The following STX16 variants were observed in gnomAD, a reference collection of about 807,000 sequenced individuals.
The protein encoded by STX16 is syntaxin 16.
STX16 carries 28 observed loss-of-function variants against 42.7 expected under a neutral mutation model. The ratio of observed to expected loss-of-function variants is 0.66; its 90% CI spans 0.49 to 0.90. The LOEUF (loss-of-function observed/expected upper bound fraction) is 0.90, where lower values mean the gene tolerates loss of function less well. Among genes scored for constraint, STX16 ranks in the 40% least tolerant of loss-of-function variants. The pLI is 0.00. For synonymous variants in STX16, 156 were observed against 155.2 expected, an observed-to-expected ratio of 1.00 and a Z score of -0.04; for missense variants, 361 against 420.9, an observed-to-expected ratio of 0.86 and a Z score of 1.24.
chr20:58,652,884 A>G (rs965161005), intron 1 of STX16, among the ~76,000 whole-genome samples: 1 of 151,920 alleles, frequency 6.6e-6, no homozygotes, highest in Non-Finnish European at 1.5e-5. Context: ...TTAATTAACC[A>G]CAACCTTTAG....
intron 1 of STX16, 132 bp from the exon 2 acceptor site, chr20:58,659,491 T>G: frequency 1.2e-6 from 1 of 817,324 alleles, no homozygotes; most frequent in Non-Finnish European, 1.8e-6. Context: ...TTAGTGGATC[T>G]TTATATTTAG....
At chr20:58,673,525 C>T (rs2084031830) in intron 7 of STX16, 106 bp from the exon 8 acceptor site, 1 of 770,760 alleles carries the variant, frequency 1.3e-6, no homozygotes, top group Admixed American at 2.1e-5. Context: ...GGAAGGAAAA[C>T]ATCATCTTAT....
intron 7 of STX16, among the ~76,000 whole-genome samples, chr20:58,672,444 G>C (rs373389570): frequency 6.6e-6 from 1 of 151,784 alleles, no homozygotes; most frequent in South Asian, 2.1e-4. Context: ...TTTGTGTTTA[G>C]ACTTGGGTCC....
rs201318063 is a variant in STX16, at chr20:58,669,426, C to T, written c.529C>T (p.Arg177Trp). The part of the protein sequence containing the change: ...QALQELSTSF[R>W]HAQSGYLKRM... ...CCTGCAGGAACTCTCCACCAGCTTC[C>T]GGCACGCACAGTCAGGCTACCTCAA... Residue 177 changes from arginine (R) to tryptophan (W), a missense_variant, in exon 5 of 9, where the codon CGG becomes TGG. By Grantham distance (101) the Arg-to-Trp change is moderately radical (BLOSUM62 -3). Coordinates refer to ENST00000371141, the MANE Select transcript of STX16 (RefSeq NM_001001433.3). The T allele has an allele frequency of 9.9e-6, 16 of 1,611,594 alleles. No individual in the cohort carries two copies. The highest frequency in any genetic ancestry group is 5.3e-5 in the African/African-American group (4 of 74,832).
chr20:58,651,994 C>G lies in STX16; in HGVS notation c.-13C>G. 3 of 1,613,450 alleles carry G rather than the reference C, an allele frequency of 1.9e-6. No homozygotes were observed. Among genetic ancestry groups the G allele is most frequent in the Non-Finnish European group, 2.5e-6 (3 of 1,179,448 alleles). On this transcript the variant is annotated 5_prime_UTR_variant, in exon 1 of 9. Transcript: ENST00000371141. ...CGGGGGGCCCCTGAGAGGGGGGTCG[C>G]AAAGGGTGAGACATGGCCACCAGGC...
intron 7 of STX16, among the ~76,000 whole-genome samples, chr20:58,673,207 C>T (rs892778815): frequency 1.3e-5 from 2 of 152,178 alleles, no homozygotes; most frequent in African/African-American, 2.4e-5. Context: ...TGCAGGTCTA[C>T]TTATGACAGG....
chr20:58,665,465 C>G (rs1285676304), intron 2 of STX16, among the ~76,000 whole-genome samples: 1 of 152,154 alleles, frequency 6.6e-6, no homozygotes, highest in Non-Finnish European at 1.5e-5. Flanking sequence ...TCAGCCGACC[C>G]AGGTTTCAGT....
rs1482516688 is a variant in STX16, at chr20:58,657,534, C to A, written c.133-2089C>A. On this transcript the variant is annotated intron_variant, in intron 1 of 8. Transcript: ENST00000371141. The surrounding 1 kb of genome is among the most constrained non-coding windows in gnomAD (Gnocchi z 4.2). Reference sequence around the variant, plus strand: ...ATTTTTCAGTTTTATGTAGAAAGTTCTTTAGACTATAAATTCCACATGCTA... The same window carrying A: ...ATTTTTCAGTTTTATGTAGAAAGTTATTTAGACTATAAATTCCACATGCTA... Among the ~76,000 whole-genome samples the A allele has an allele frequency of 6.6e-6, 1 of 152,112 alleles. No individual in the cohort carries two copies. The highest frequency in any genetic ancestry group is 1.5e-5 in the Non-Finnish European group (1 of 68,008).
chr20:58,669,240 A>G (rs1301659256), intron 4 of STX16, 51 bp from the exon 5 acceptor site: 3 of 1,592,348 alleles, frequency 1.9e-6, no homozygotes, highest in South Asian at 1.1e-5. Context: ...CAGTGTTAGC[A>G]GAGGGGCTTC....
Position 58,676,312 on chromosome 20 carries a change from G to A in STX16, c.*21G>A. The A allele has an allele frequency of 1.9e-6, 3 of 1,598,948 alleles. No individual in the cohort carries two copies. Among genetic ancestry groups the A allele is most frequent in the Middle Eastern group, 1.7e-4 (1 of 6,028 alleles). ...GATAAGTGGCATTGGGTTTTCGTGT[G>A]TGCCGCGCGTGTGGATCTCCCGGGT... On this transcript the variant is annotated 3_prime_UTR_variant, in exon 9 of 9. Transcript: ENST00000371141.
intron 8 of STX16, among the ~76,000 whole-genome samples, chr20:58,675,132 A>C (rs2084074031): frequency 1.3e-5 from 2 of 150,932 alleles, no homozygotes; most frequent in African/African-American, 4.9e-5. Flanking sequence ...AGGGTGATTG[A>C]GCGTCGGGAG....
Position 58,677,463 on chromosome 20 carries a change from A to G in STX16, c.*1172A>G, listed in dbSNP as rs1357616607. On this transcript the variant is annotated 3_prime_UTR_variant, in exon 9 of 9. Coordinates refer to ENST00000371141, the MANE Select transcript of STX16 (RefSeq NM_001001433.3). ...TGTGTGAGCGTGGGTCAGACCGCCA[A>G]AGTAGGACTTCATCGTTTACCTACC... The G allele has an allele frequency of 2.0e-5, 3 of 152,460 alleles. No homozygotes were observed. The East Asian group carries it at 5.8e-4, about 29-fold the overall frequency. 9.4% of individuals were successfully genotyped at this position (152,460 alleles called of 1,614,324 possible). A position where few individuals can be genotyped will look rare whatever the true frequency, so the allele number is the denominator to read the frequency against.
Position 58,671,435 on chromosome 20 carries a change from TGG to T in STX16, c.792+140_792+141del, listed in dbSNP as rs386352906. The stretch of plus-strand genomic sequence containing the variant: ...TGTGCACCTGTCCTTTATGTGTGTG[TGG>T]GTGTGTGTGTGTGTGTGTGTGTGTG... On this transcript the variant is annotated intron_variant, in intron 7 of 8. Coordinates refer to ENST00000371141, the MANE Select transcript of STX16 (RefSeq NM_001001433.3). The T allele has an allele frequency of 0.44, 161,277 of 370,732 alleles. 32,843 individuals are homozygous for T. The highest frequency in any genetic ancestry group is 0.46 in the African/African-American group (15,058 of 32,688). The allele number at this position is 370,732 out of a possible 1,614,324, so 23.0% of individuals were successfully genotyped here.
In STX16 at chr20:58,671,212, G is replaced by A. The variant is rs115536505; in HGVS notation, c.707G>A (p.Arg236Gln). ...VEQNTLMVEE[R>Q]EREIRQIVQS... ...CAGAACACACTGATGGTGGAAGAGC[G>A]GGAACGAGAGATTCGCCAGATTGTA... Residue 236 changes from arginine to glutamine, a missense_variant, in exon 7 of 9, where the codon CGG (arginine) becomes CAG (glutamine). By Grantham distance (43) the Arg-to-Gln change is conservative. Coordinates refer to ENST00000371141, the MANE Select transcript of STX16 (RefSeq NM_001001433.3). The A allele has an allele frequency of 1.3e-5, 21 of 1,614,032 alleles. No individual in the cohort carries two copies. Among genetic ancestry groups the A allele is most frequent in the East Asian group, 6.7e-5 (3 of 44,888 alleles).
In STX16 at chr20:58,669,271, C is replaced by T. The variant is rs2083911041; in HGVS notation, c.394-20C>T. 1.9e-6 allele frequency: 3 copies of T among 1,607,458 alleles called. No individual in the cohort carries two copies. The highest frequency in any genetic ancestry group is 2.5e-6 in the Non-Finnish European group (3 of 1,179,406). On this transcript the variant is annotated intron_variant, in intron 4 of 8. Transcript: ENST00000371141. ...GCTTCTCTCCCAGGCTTGCCCTGAGCCTCGGGCTTGTTCTCTTAGCTCTTC... is the reference window on the plus strand; with the variant it reads ...GCTTCTCTCCCAGGCTTGCCCTGAGTCTCGGGCTTGTTCTCTTAGCTCTTC...
chr20:58,673,593 C>G, intron 7 of STX16, 38 bp from the exon 8 acceptor site: 1 of 1,385,004 alleles, frequency 7.2e-7, no homozygotes, highest in Non-Finnish European at 1.0e-6. Context: ...TTCCCAGTTG[C>G]TATTGTTGAT....
chr20:58,652,203 GTCTC>G, intron 1 of STX16, 65 bp downstream of exon 1: 1 of 1,588,592 alleles, frequency 6.3e-7, no homozygotes, highest in Non-Finnish European at 8.6e-7. Context: ...CTGTTTGTCT[GTCTC>G]TGTCTGTCTC....
rs546565420 is a variant in STX16, at chr20:58,671,162, A to G, written c.657A>G (p.Thr219=). ...DDNTLYHRGF[T]EDQLVLVEQN... ...GTGCACTGTCTTGCTAGGGTTTTAC[A>G]GAGGACCAGTTAGTTCTGGTGGAGC... Residue 219 remains threonine, a synonymous_variant, in exon 7 of 9, where the codon ACA becomes ACG. Transcript: ENST00000371141. 1 of 1,613,858 alleles carries G rather than the reference A, an allele frequency of 6.2e-7. No homozygotes were observed. Among genetic ancestry groups the G allele is most frequent in the Non-Finnish European group, 8.5e-7 (1 of 1,179,828 alleles).
In STX16 at chr20:58,677,685, C is replaced by CTTCTT. The variant is rs1341881934; in HGVS notation, c.*1394_*1395insTTCTT. The CTTCTT allele has an allele frequency of 6.6e-6, 1 of 152,168 alleles. No individual in the cohort carries two copies. Among genetic ancestry groups the CTTCTT allele is most frequent in the Non-Finnish European group, 1.5e-5 (1 of 68,032 alleles). The allele number at this position is 152,168 out of a possible 1,614,324, so 9.4% of individuals were successfully genotyped here. On this transcript the variant is annotated 3_prime_UTR_variant, in exon 9 of 9. Transcript: ENST00000371141. The stretch of plus-strand genomic sequence containing the variant: ...AAAAAGTTTAAGAAGAATATGACCT[C>CTTCTT]ATTAAATGTGCTGTTTTATTTGGAC...
Sources: allele counts gnomAD v4.1 joint callset (sites outside exome capture counted in the v4.1 genomes callset), GRCh38; gene constraint gnomAD v4.1.1; non-coding constraint Gnocchi (gnomAD v3.1); transcripts MANE v1.5; gene names NCBI Gene and HGNC (gene_info 2026-07-23, HGNC 2026-07-21).